Variants in JAM3 observed in about 807,000 individuals in gnomAD.
JAM3 encodes junctional adhesion molecule C.
Under a neutral mutation model 39.4 loss-of-function variants are expected in JAM3, and 31 were observed. The ratio of observed to expected loss-of-function variants is 0.79; its 90% confidence interval spans 0.59 to 1.06. The LOEUF is 1.06. Among genes scored for constraint, JAM3 ranks in the 50% least tolerant of loss-of-function variants. The pLI is 0.00. For missense variants in JAM3, 455 were observed against 391.4 expected, an observed-to-expected ratio of 1.16 and a Z score of -1.37; for synonymous variants, 182 against 148.7, an observed-to-expected ratio of 1.22 and a Z score of -1.63.
intron 1 of JAM3, among the ~76,000 whole-genome samples, chr11:134,125,093 C>T (rs1356237075): frequency 2.6e-5 from 4 of 152,188 alleles, no homozygotes; most frequent in East Asian, 1.9e-4. Flanking sequence ...CCTGTGGTGT[C>T]GCCTCCCGAG....
At chr11:134,129,586 AAT>A (rs1226512828) in intron 1 of JAM3, among the ~76,000 whole-genome samples, 3 of 152,242 alleles carry the variant, frequency 2.0e-5, no homozygotes. Flanking sequence ...GAATAATGAT[AAT>A]AAATGGTCCC....
intron 1 of JAM3, among the ~76,000 whole-genome samples, chr11:134,115,325 A>G (rs1332438170): frequency 6.6e-6 from 1 of 152,122 alleles, no homozygotes; most frequent in Non-Finnish European, 1.5e-5. Flanking sequence ...AATATATGCC[A>G]TTTAATTGGG....
intron 1 of JAM3, among the ~76,000 whole-genome samples, chr11:134,099,094 G>A (rs1226803668): frequency 9.2e-5 from 14 of 152,084 alleles, no homozygotes; most frequent in Admixed American, 9.2e-4. Flanking sequence ...TTGTATGCTT[G>A]GGAGGCTGAA....
At position 134,125,144 on chromosome 11, in the gene JAM3, C is replaced by T. The variant is rs1368934989; in HGVS notation, c.77-14707C>T. Reference sequence around the variant, plus strand: ...CACTGCTGCTCCAGCCGCTCCCGGACGGACAACGGCTACAGCCCGGCCGAT... The same window carrying T: ...CACTGCTGCTCCAGCCGCTCCCGGATGGACAACGGCTACAGCCCGGCCGAT... On this transcript the variant is annotated intron_variant, in intron 1 of 8. Transcript: ENST00000299106. Among the ~76,000 whole-genome samples, 4 of 152,322 alleles carry T rather than the reference C, an allele frequency of 2.6e-5. No individual in the cohort carries two copies. In the East Asian group the frequency reaches 7.7e-4, roughly 29 times the overall value.
intron 1 of JAM3, among the ~76,000 whole-genome samples, chr11:134,105,974 T>C (rs963452321): frequency 2.0e-5 from 3 of 152,212 alleles, no homozygotes; most frequent in African/African-American, 7.2e-5. Context: ...CCAATGACTT[T>C]CTTCACAGAA....
Position 134,125,682 on chromosome 11 carries a change from G to GCAGCACAGAATGTGAGCCC in JAM3, c.77-14167_77-14149dup, listed in dbSNP as rs1379569333. ...CGGTGTTGAGAACGTGCTGTGAGAC[G>GCAGCACAGAATGTGAGCCC]CAGCACAGAATGTGAGCCCCGACAA... On this transcript the variant is annotated intron_variant, in intron 1 of 8. Coordinates refer to ENST00000299106, the MANE Select transcript of JAM3 (RefSeq NM_032801.5). Among the ~76,000 whole-genome samples, 6 of 152,264 alleles carry GCAGCACAGAATGTGAGCCC rather than the reference G, an allele frequency of 3.9e-5. No homozygotes were observed. In the East Asian group the frequency reaches 1.2e-3, roughly 29 times the overall value.
intron 1 of JAM3, among the ~76,000 whole-genome samples, chr11:134,089,433 A>T (rs1471816486): frequency 6.6e-6 from 1 of 152,012 alleles, no homozygotes; most frequent in African/African-American, 2.4e-5. Context: ...TTAACATTAG[A>T]TATATCTCCA....
At chr11:134,085,226 C>T (rs892794304) in intron 1 of JAM3, among the ~76,000 whole-genome samples, 20 of 152,084 alleles carry the variant, frequency 1.3e-4, no homozygotes, top group African/African-American at 4.6e-4. Context: ...GAAATGCCCC[C>T]AGATTTAACA....
rs1591808643 is a variant in JAM3, at chr11:134,145,327, A to G, written c.612+333A>G. On this transcript the variant is annotated intron_variant, in intron 5 of 8. Coordinates refer to ENST00000299106, the MANE Select transcript of JAM3 (RefSeq NM_032801.5). ...ATTACTAGGTGGTATTTGATGATCT[A>G]TTAAGCAACTGTTCATTGCTTTAGG... The G allele has an allele frequency of 2.1e-5, 9 of 432,664 alleles. 1 individual carries two copies. In the East Asian group the frequency reaches 4.6e-4, roughly 22 times the overall value. 26.8% of individuals were successfully genotyped at this position (432,664 alleles called of 1,614,324 possible). A position where few individuals can be genotyped will look rare whatever the true frequency, so the allele number is the denominator to read the frequency against.
intron 1 of JAM3, among the ~76,000 whole-genome samples, chr11:134,131,054 G>A (rs1942759669): frequency 6.6e-6 from 1 of 152,090 alleles, no homozygotes; most frequent in Admixed American, 6.5e-5. Flanking sequence ...ATGTATGAAG[G>A]AAAATAGAAA....
At chr11:134,123,737 A>G in intron 1 of JAM3, 1 of 608,222 alleles carries the variant, frequency 1.6e-6, no homozygotes, top group Non-Finnish European at 3.0e-6. Context: ...CTTTGATGAC[A>G]CAGGTAAGAT....
chr11:134,145,242 T>C, intron 5 of JAM3: 1 of 567,312 alleles, frequency 1.8e-6, no homozygotes, highest in East Asian at 3.0e-5. Context: ...TAAGCAAATG[T>C]TACTAGGGCC....
chr11:134,147,603 C>T (rs1943100668), intron 6 of JAM3, among the ~76,000 whole-genome samples: 1 of 151,826 alleles, frequency 6.6e-6, no homozygotes, highest in Non-Finnish European at 1.5e-5. Flanking sequence ...TCTCCTGCCT[C>T]AGCCTCCTGA....
At chr11:134,128,260 T>C (rs1942692493) in intron 1 of JAM3, among the ~76,000 whole-genome samples, 1 of 152,202 alleles carries the variant, frequency 6.6e-6, no homozygotes, top group South Asian at 2.1e-4. Context: ...TCTGCTCACC[T>C]GCAGAGACAG....
intron 1 of JAM3, among the ~76,000 whole-genome samples, chr11:134,103,400 G>A (rs1368126539): frequency 6.6e-6 from 1 of 152,188 alleles, no homozygotes; most frequent in African/African-American, 2.4e-5. Context: ...ACCAGCCACT[G>A]CAAAAACATG....
At chr11:134,079,487 C>G (rs1439524640) in intron 1 of JAM3, among the ~76,000 whole-genome samples, 2 of 152,114 alleles carry the variant, frequency 1.3e-5, no homozygotes, top group African/African-American at 2.4e-5. Flanking sequence ...CCCACTGCAT[C>G]TCTGGAAGGC....
rs760476246 is a variant in JAM3, at chr11:134,135,576, CGCCCAAGCTGGAGTGCAGTG to C, written c.77-4271_77-4252del. Among the ~76,000 whole-genome samples, 286 of 150,172 alleles carry C rather than the reference CGCCCAAGCTGGAGTGCAGTG, an allele frequency of 1.9e-3. 1 individual carries two copies. Among genetic ancestry groups the C allele is most frequent in the Non-Finnish European group, 3.7e-3 (252 of 67,744 alleles). On this transcript the variant is annotated intron_variant, in intron 1 of 8. Coordinates refer to ENST00000299106, the MANE Select transcript of JAM3 (RefSeq NM_032801.5). ...TTTTTGAGATGGAGTCTCACTCTGT[CGCCCAAGCTGGAGTGCAGTG>C]GCCTGATCTCAGCTCACTGTAACCC... is the stretch of plus-strand genomic sequence containing the variant.
In JAM3 at chr11:134,109,506, C is replaced by T. The variant is rs550835912; in HGVS notation, c.77-30345C>T. Among the ~76,000 whole-genome samples, 55 of 152,298 alleles carry T rather than the reference C, an allele frequency of 3.6e-4. No homozygotes were observed. In the South Asian group the frequency reaches 3.7e-3, roughly 10 times the overall value. On this transcript the variant is annotated intron_variant, in intron 1 of 8. Transcript: ENST00000299106. The stretch of plus-strand genomic sequence containing the variant: ...TTATTGGAACACAGCCACATCCATC[C>T]ATTTACTTATCAACTATGGCTGCTG...
rs748012174 is a variant in JAM3, at chr11:134,108,508, A to G, written c.77-31343A>G. Among the ~76,000 whole-genome samples the G allele has an allele frequency of 2.6e-5, 4 of 152,370 alleles. No individual in the cohort carries two copies. In the South Asian group the frequency reaches 8.3e-4, roughly 32 times the overall value. On this transcript the variant is annotated intron_variant, in intron 1 of 8. Coordinates refer to ENST00000299106, the MANE Select transcript of JAM3 (RefSeq NM_032801.5). Reference sequence around the variant, plus strand: ...CTACAGGCCAATTTCCCTCGTGAACATAGATGCAAAAATTTCAAACAAAAT... The same window carrying G: ...CTACAGGCCAATTTCCCTCGTGAACGTAGATGCAAAAATTTCAAACAAAAT...
Sources: gnomAD v4.1 joint callset for allele counts (sites outside exome capture counted in the v4.1 genomes callset) on GRCh38, gnomAD v4.1.1 for gene constraint, MANE v1.5 for transcripts, NCBI Gene and HGNC (gene_info 2026-07-23, HGNC 2026-07-21) for gene names.